ZBTB7C: variants seen among roughly 807,000 people sequenced by gnomAD.
ZBTB7C encodes zinc finger and BTB domain-containing protein 7C.
A neutral mutation model predicts 25.7 loss-of-function variants in ZBTB7C; 8 were observed. The observed-to-expected ratio is 0.31, with a 90% CI of 0.18 to 0.56. The LOEUF (loss-of-function observed/expected upper bound fraction) is 0.56, where lower values mean the gene tolerates loss of function less well. ZBTB7C is among the 20% of genes least tolerant of loss of function. ZBTB7C has a pLI of 0.91. For missense variants in ZBTB7C, 824 were observed against 855.2 expected (o/e 0.96, Z 0.46); for synonymous variants, 394 against 369.0 (o/e 1.07, Z -0.78).
At chr18:48,210,487 G>C (rs147830050) in intron 2 of ZBTB7C, among the ~76,000 whole-genome samples, 164 of 152,320 alleles carry the variant, frequency 1.1e-3, no homozygotes, top group African/African-American at 3.6e-3. Context: ...CCTTAAAAAG[G>C]AATGAAGTTC....
chr18:48,125,300 G>A (rs2039764527), intron 3 of ZBTB7C, among the ~76,000 whole-genome samples: 1 of 152,170 alleles, frequency 6.6e-6, no homozygotes, highest in African/African-American at 2.4e-5. Flanking sequence ...GCTTCCTGCT[G>A]TGGAAGCCGT....
At chr18:48,357,938 G>A (rs760535168) in intron 1 of ZBTB7C, among the ~76,000 whole-genome samples, 24 of 152,340 alleles carry the variant, frequency 1.6e-4, no homozygotes, top group Non-Finnish European at 2.6e-4. Flanking sequence ...CGTTGGAGGT[G>A]AGGGCTGGTG....
chr18:48,053,975 C>T (rs1260174980), intron 3 of ZBTB7C, among the ~76,000 whole-genome samples: 1 of 152,220 alleles, frequency 6.6e-6, no homozygotes, highest in Non-Finnish European at 1.5e-5. Flanking sequence ...TGTGCGAAGG[C>T]ATGCGCAGAG....
intron 3 of ZBTB7C, among the ~76,000 whole-genome samples, chr18:48,068,232 G>A (rs966506846): frequency 1.4e-5 from 2 of 146,038 alleles, no homozygotes; most frequent in Non-Finnish European, 1.5e-5. Flanking sequence ...TCCGCCTCCC[G>A]GGTTCACACC....
intron 3 of ZBTB7C, among the ~76,000 whole-genome samples, chr18:48,073,651 C>T (rs1203580333): frequency 6.6e-6 from 1 of 152,142 alleles, no homozygotes; most frequent in Non-Finnish European, 1.5e-5. Context: ...CTTCCCCTGC[C>T]CTCCCTCTCC....
intron 2 of ZBTB7C, among the ~76,000 whole-genome samples, chr18:48,189,310 G>A (rs1465569202): frequency 6.6e-6 from 1 of 152,142 alleles, no homozygotes; most frequent in Non-Finnish European, 1.5e-5. Context: ...AGAGCTAACA[G>A]CTTCTCCAAG....
chr18:48,293,790 AAAATATAAATAAAG>A (rs2045304853), intron 2 of ZBTB7C, among the ~76,000 whole-genome samples: 1 of 152,176 alleles, frequency 6.6e-6, no homozygotes. Flanking sequence ...TTAAGAAAAA[AAAATATAAATAAAG>A]ACAGGGTCTT....
chr18:48,139,699 C>G lies in ZBTB7C; in HGVS notation c.-17+46235G>C, dbSNP rs557503390. On this transcript the variant is annotated intron_variant, in intron 3 of 4. Coordinates refer to ENST00000590800, the MANE Select transcript of ZBTB7C (RefSeq NM_001318841.2). ...CTGGGCACAAAGTGGGGAGCCCCGC[C>G]CCACCACCCCTCCAGCCTCCCTCGG... Among the ~76,000 whole-genome samples the G allele has an allele frequency of 1.5e-4, 23 of 152,186 alleles. 1 individual carries two copies. The South Asian group carries it at 4.6e-3, about 30-fold the overall frequency.
intron 3 of ZBTB7C, among the ~76,000 whole-genome samples, chr18:48,053,251 G>T (rs542406786): frequency 1.3e-5 from 2 of 152,152 alleles, no homozygotes; most frequent in Admixed American, 1.3e-4. Flanking sequence ...GGGAGCGGCC[G>T]CTTCTGCAGA....
rs74417303 is a variant in ZBTB7C at position 48,260,009 on chromosome 18, G to T, written c.-78-74014C>A. ...CACAGTCCAATCATTCCCTTCCTAG[G>T]TTTGTATCCAAGAGAAATGAAAACA... On this transcript the variant is annotated intron_variant, in intron 2 of 4. Transcript: ENST00000590800. Among the ~76,000 whole-genome samples the T allele has an allele frequency of 4.2e-3, 633 of 152,250 alleles. 8 individuals carry two copies. Among genetic ancestry groups the T allele is most frequent in the Non-Finnish European group, 6.8e-3 (461 of 68,024 alleles).
chr18:48,328,106 C>A (rs376569869), intron 2 of ZBTB7C, among the ~76,000 whole-genome samples: 1 of 146,414 alleles, frequency 6.8e-6, no homozygotes, highest in African/African-American at 2.6e-5. Context: ...GGCATGAACC[C>A]GGGAGGTGGA....
At chr18:48,127,799 C>T (rs546362932) in intron 3 of ZBTB7C, among the ~76,000 whole-genome samples, 49 of 152,266 alleles carry the variant, frequency 3.2e-4, no homozygotes, top group Admixed American at 9.2e-4. Context: ...TCAGAGGGTG[C>T]GCCACAGGAG....
intron 3 of ZBTB7C, among the ~76,000 whole-genome samples, chr18:48,100,337 C>A: frequency 6.6e-6 from 1 of 152,192 alleles, no homozygotes; most frequent in East Asian, 1.9e-4. Flanking sequence ...TGAGCAGGAC[C>A]TCCCCACGGG....
At chr18:48,304,590 G>C (rs953339222) in intron 2 of ZBTB7C, among the ~76,000 whole-genome samples, 5 of 152,134 alleles carry the variant, frequency 3.3e-5, no homozygotes, top group Non-Finnish European at 7.3e-5. Flanking sequence ...CAGGAGAATC[G>C]CTTGAACCCG....
chr18:48,151,179 C>A (rs2040665587), intron 3 of ZBTB7C, among the ~76,000 whole-genome samples: 1 of 152,156 alleles, frequency 6.6e-6, no homozygotes, highest in South Asian at 2.1e-4. Flanking sequence ...AGGTTTTCAA[C>A]TGCTGGATTG....
chr18:48,151,677 C>T (rs2040683650), intron 3 of ZBTB7C, among the ~76,000 whole-genome samples: 1 of 152,196 alleles, frequency 6.6e-6, no homozygotes, highest in African/African-American at 2.4e-5. Flanking sequence ...CTTCAATCTC[C>T]AATCAGACAG....
intron 2 of ZBTB7C, among the ~76,000 whole-genome samples, chr18:48,205,860 A>G (rs1440853052): frequency 6.6e-6 from 1 of 152,134 alleles, no homozygotes; most frequent in African/African-American, 2.4e-5. Flanking sequence ...ACCTCTCTCA[A>G]GGTTGTTCCC....
At chr18:48,238,234 T>A (rs2043430776) in intron 2 of ZBTB7C, among the ~76,000 whole-genome samples, 1 of 152,206 alleles carries the variant, frequency 6.6e-6, no homozygotes, top group Admixed American at 6.5e-5. Flanking sequence ...TGTTAAACTG[T>A]GCATATAAGT....
At chr18:48,066,840 G>A (rs774584343) in intron 3 of ZBTB7C, among the ~76,000 whole-genome samples, 15 of 152,208 alleles carry the variant, frequency 9.9e-5, no homozygotes, top group East Asian at 1.9e-4. Flanking sequence ...GGTGGCTCAC[G>A]CCTGTAATCC....
Sources: gnomAD v4.1 joint callset for allele counts (sites outside exome capture counted in the v4.1 genomes callset) on GRCh38, gnomAD v4.1.1 for gene constraint, MANE v1.5 for transcripts, NCBI Gene and HGNC (gene_info 2026-07-23, HGNC 2026-07-21) for gene names.